Variants in GAS6 observed in about 807,000 individuals in gnomAD.
GAS6 encodes the protein growth arrest-specific protein 6.
A neutral mutation model predicts 75.8 loss-of-function variants in GAS6; 41 were observed. The observed-to-expected ratio is 0.54, with a 90% CI of 0.42 to 0.70. The LOEUF (loss-of-function observed/expected upper bound fraction) is 0.70. Ranked by LOEUF, GAS6 falls within the 30% of genes least tolerant of loss-of-function variation. The pLI is 0.00. For missense variants in GAS6, 854 were observed against 940.2 expected, an observed-to-expected ratio of 0.91 and a Z score of 1.20; for synonymous variants, 432 against 412.6, an observed-to-expected ratio of 1.05 and a Z score of -0.57.
chr13:113,837,917 G>T lies in GAS6; in HGVS notation c.589+152C>A. ...CCGAGCAGCTCCCTGTGCTGCGGCT[G>T]GCCTGGGCTTGTGTAGTCTCTGCAG... is the stretch of plus-strand genomic sequence containing the variant. On this transcript the variant is annotated intron_variant, in intron 6 of 14. Coordinates refer to ENST00000327773, the MANE Select transcript of GAS6 (RefSeq NM_000820.4). This position sits in a 1 kb window ranked among gnomAD's most constrained non-coding sequence, Gnocchi z 5.1. The T allele has an allele frequency of 2.3e-6, 2 of 868,776 alleles. No homozygotes were observed. The highest frequency in any genetic ancestry group is 2.6e-5 in the East Asian group (1 of 38,692). The allele number at this position is 868,776 out of a possible 1,614,324, so 53.8% of individuals were successfully genotyped here. A position where few individuals can be genotyped will look rare whatever the true frequency, so the allele number is the denominator to read the frequency against.
At chr13:113,822,333 C>T (rs959420309) in intron 13 of GAS6, 147 bp from the exon 14 acceptor site, 4 of 585,730 alleles carry the variant, frequency 6.8e-6, no homozygotes, top group Non-Finnish European at 1.1e-5. Flanking sequence ...TCTGGATGCT[C>T]GCTGACTGTG....
chr13:113,838,206 A>G lies in GAS6; in HGVS notation c.467-15T>C. 1 of 1,611,766 alleles carries G rather than the reference A, an allele frequency of 6.2e-7. No homozygotes were observed. Among genetic ancestry groups the G allele is most frequent in the South Asian group, 1.1e-5 (1 of 91,062 alleles). Reference sequence around the variant, plus strand: ...TTCGTTGACATCTGGGAACAAGCACAGGCCTGAAGGGGAGCCCAAGGGTGC... The same window carrying G: ...TTCGTTGACATCTGGGAACAAGCACGGGCCTGAAGGGGAGCCCAAGGGTGC... On this transcript the variant is annotated splice_polypyrimidine_tract_variant and intron_variant, in intron 5 of 14. Coordinates refer to ENST00000327773, the MANE Select transcript of GAS6 (RefSeq NM_000820.4).
rs776284665 is a variant in GAS6, at chr13:113,823,467, C to T, written c.1561G>A (p.Val521Met). ...AHIRPAADTG[V>M]LFALWAPDLR... Reference sequence around the variant, plus strand: ...TCGGGGGCCCAGAGCGCAAACAGCACGCCTGTGTCTGCGGCTGGGCGGATG... The same window carrying T: ...TCGGGGGCCCAGAGCGCAAACAGCATGCCTGTGTCTGCGGCTGGGCGGATG... Residue 521 changes from valine (V) to methionine (M), a missense_variant, in exon 13 of 15, where the codon GTG becomes ATG. Coordinates refer to ENST00000327773, the MANE Select transcript of GAS6 (RefSeq NM_000820.4). 6 of 1,612,708 alleles carry T rather than the reference C, an allele frequency of 3.7e-6. No individual in the cohort carries two copies. Among genetic ancestry groups the T allele is most frequent in the Admixed American group, 3.3e-5 (2 of 59,998 alleles).
At chr13:113,822,297 C>T (rs1010187128) in intron 13 of GAS6, 111 bp from the exon 14 acceptor site, 21 of 802,084 alleles carry the variant, frequency 2.6e-5, no homozygotes, top group East Asian at 5.9e-5. Context: ...CGCCTGTCTC[C>T]GTCCAGGGTT....
intron 12 of GAS6, among the ~76,000 whole-genome samples, chr13:113,826,103 C>A (rs1437483295): frequency 6.6e-6 from 1 of 152,168 alleles, no homozygotes; most frequent in Non-Finnish European, 1.5e-5. Context: ...CACAGCAGCA[C>A]CCCCGGAGCC....
In GAS6 at chr13:113,844,530, A is replaced by G. The variant is rs893851853; in HGVS notation, c.343+1997T>C. 1.3e-5 allele frequency: 2 copies of G among 150,630 alleles called. No homozygotes were observed. Among genetic ancestry groups the G allele is most frequent in the African/African-American group, 2.5e-5 (1 of 40,024 alleles). 9.3% of individuals were successfully genotyped at this position (150,630 alleles called of 1,614,324 possible). A position where few individuals can be genotyped will look rare whatever the true frequency, so the allele number is the denominator to read the frequency against. The stretch of plus-strand genomic sequence containing the variant: ...GGTGCCGGGGTTAGGAAAGCGCAAC[A>G]CTGTTCAGACACAGTCTCCGATATA... On this transcript the variant is annotated intron_variant, in intron 4 of 14. Transcript: ENST00000327773. The surrounding 1 kb of genome is among the most constrained non-coding windows in gnomAD (Gnocchi z 5.7).
intron 14 of GAS6, 62 bp from the exon 15 acceptor site, chr13:113,821,080 C>T: frequency 6.3e-7 from 1 of 1,575,226 alleles, no homozygotes; most frequent in East Asian, 2.3e-5. Flanking sequence ...CGCCTGGCCC[C>T]CCCACCCCCG....
At chr13:113,850,831 T>C (rs2051867389) in intron 2 of GAS6, among the ~76,000 whole-genome samples, 1 of 150,770 alleles carries the variant, frequency 6.6e-6, no homozygotes, top group African/African-American at 2.4e-5. Flanking sequence ...GATTGATAGA[T>C]GGATAGATGG....
intron 2 of GAS6, among the ~76,000 whole-genome samples, chr13:113,852,350 G>A (rs55888776): frequency 0.13 from 20,062 of 152,112 alleles, 2,186 homozygotes; most frequent in African/African-American, 0.31. Context: ...AGAAGGTCCC[G>A]GTGTGAACAG....
At chr13:113,860,967 C>A (rs749119657) in intron 2 of GAS6, among the ~76,000 whole-genome samples, 17 of 151,950 alleles carry the variant, frequency 1.1e-4, no homozygotes, top group Non-Finnish European at 2.1e-4. Flanking sequence ...ACGCTTCAGG[C>A]AGGTGAGCAG....
intron 10 of GAS6, among the ~76,000 whole-genome samples, chr13:113,832,078 C>T (rs1409916629): frequency 1.0e-4 from 12 of 119,900 alleles, no homozygotes; most frequent in African/African-American, 3.6e-4. Flanking sequence ...ATGAACTAAA[C>T]GGGGCAGGGG....
At position 113,822,007 on chromosome 13, in the gene GAS6, G is replaced by A. The variant is rs774786719; in HGVS notation, c.1833C>T (p.Leu611=). ...GCACGGGGCTCCGCAGGTGCCTCTC[G>A]AGCACGGCCAGCCTCTCCTGCAGCT... The part of the protein sequence containing the change: ...AAQLQERLAV[L]ERHLRSPVLT... Residue 611 remains leucine, a synonymous_variant, in exon 14 of 15, where the codon CTC becomes CTT. Coordinates refer to ENST00000327773, the MANE Select transcript of GAS6 (RefSeq NM_000820.4). The A allele has an allele frequency of 1.6e-5, 25 of 1,557,284 alleles. No individual in the cohort carries two copies. Among genetic ancestry groups the A allele is most frequent in the Middle Eastern group, 3.8e-4 (2 of 5,234 alleles).
Position 113,863,569 on chromosome 13 carries a change from G to A in GAS6, c.255+6C>T. 1 of 1,505,940 alleles carries A rather than the reference G, an allele frequency of 6.6e-7. No individual in the cohort carries two copies. Among genetic ancestry groups the A allele is most frequent in the African/African-American group, 1.4e-5 (1 of 69,004 alleles). The allele number at this position is 1,505,940 out of a possible 1,614,324, so 93.3% of individuals were successfully genotyped here. On this transcript the variant is annotated splice_donor_region_variant and intron_variant, in intron 2 of 14. Coordinates refer to ENST00000327773, the MANE Select transcript of GAS6 (RefSeq NM_000820.4). The surrounding 1 kb of genome is among the most constrained non-coding windows in gnomAD (Gnocchi z 9.4). ...TTCCCCCGCATCCCGCCCGCCGGCT[G>A]CTCACCGTCTCGGGGTCGTTCTCGA...
intron 8 of GAS6, chr13:113,833,103 T>C (rs903961883): frequency 1.7e-6 from 2 of 1,182,794 alleles, no homozygotes; most frequent in Non-Finnish European, 1.1e-6. Flanking sequence ...TAGATATGGA[T>C]GCCTTGAAGA....
Position 113,828,489 on chromosome 13 carries a change from A to G in GAS6, c.1308+58T>C. 6.4e-6 allele frequency: 10 copies of G among 1,554,400 alleles called. 1 individual carries two copies. The highest frequency in any genetic ancestry group is 8.8e-6 in the Non-Finnish European group (10 of 1,141,936). On this transcript the variant is annotated intron_variant, in intron 11 of 14. Coordinates refer to ENST00000327773, the MANE Select transcript of GAS6 (RefSeq NM_000820.4). ...CAGGGTGTGACTGAGGCTTCCTGAC[A>G]CCGTTCCCGGGATCCCAGCACACGG...
rs1448410641 is a variant in GAS6, at chr13:113,822,126, C to T, written c.1714G>A (p.Gly572Ser). The T allele has an allele frequency of 2.7e-5, 43 of 1,600,326 alleles. No individual in the cohort carries two copies. Among genetic ancestry groups the T allele is most frequent in the Non-Finnish European group, 3.3e-5 (39 of 1,175,144 alleles). ...GAGACGGTGACCACGTGCTCTTGGC[C>T]GTCGCAGACCTTGATCTCCATTAGG... ...LALMEIKVCD[G>S]QEHVVTVSLR... The change falls in exon 14 of 15, where the codon GGC becomes AGC. Residue 572 changes from glycine (G) to serine (S), a missense_variant. Transcript: ENST00000327773.
In GAS6 at chr13:113,823,697, C is replaced by T. The variant is rs898254597; in HGVS notation, c.1478-147G>A. The T allele has an allele frequency of 3.2e-5, 25 of 792,714 alleles. 1 individual carries two copies. The highest frequency in any genetic ancestry group is 5.7e-5 in the East Asian group (2 of 35,086). The allele number at this position is 792,714 out of a possible 1,614,324, so 49.1% of individuals were successfully genotyped here. On this transcript the variant is annotated intron_variant, in intron 12 of 14. Coordinates refer to ENST00000327773, the MANE Select transcript of GAS6 (RefSeq NM_000820.4). ...ATCTGGGACGTGATGGAAAACTCAA[C>T]AGACTGGTTCAGATCTTGGCCCGGA...
chr13:113,822,209 C>T, intron 13 of GAS6, 23 bp from the exon 14 acceptor site: 2 of 1,496,054 alleles, frequency 1.3e-6, no homozygotes, highest in South Asian at 1.3e-5. Context: ...GAGGTGTGGT[C>T]AGGGCCTGCC....
At chr13:113,826,533 CCGGCG>C (rs1247920377) in intron 12 of GAS6, among the ~76,000 whole-genome samples, 1 of 119,902 alleles carries the variant, frequency 8.3e-6, no homozygotes, top group Admixed American at 8.2e-5. Flanking sequence ...CCCCGGCCTC[CCGGCG>C]CCGGCCTCGC....
Sources: allele counts gnomAD v4.1 joint callset (sites outside exome capture counted in the v4.1 genomes callset), GRCh38; gene constraint gnomAD v4.1.1; non-coding constraint Gnocchi (gnomAD v3.1); transcripts MANE v1.5; gene names NCBI Gene and HGNC (gene_info 2026-07-23, HGNC 2026-07-21).